PLXNA3: variants seen among roughly 807,000 people sequenced by gnomAD.
The protein encoded by PLXNA3 is plexin-A3.
PLXNA3 carries 52 observed loss-of-function variants against 118.8 expected under a neutral mutation model. That is an observed-to-expected ratio of 0.44 (90% confidence interval 0.35 to 0.55). The LOEUF (loss-of-function observed/expected upper bound fraction) is 0.55, where lower values mean the gene tolerates loss of function less well. PLXNA3 is among the 20% of genes least tolerant of loss of function. PLXNA3 has a pLI of 0.01. For synonymous variants in PLXNA3, 925 were observed against 762.4 expected, an observed-to-expected ratio of 1.21 and a Z score of -3.51; for missense variants, 1,660 against 1,730.8, an observed-to-expected ratio of 0.96 and a Z score of 0.73.
chrX:154,469,272 C>T, intron 26 of PLXNA3, 57 bp downstream of exon 26: 2 of 1,165,156 alleles, frequency 1.7e-6, no homozygotes, highest in East Asian at 3.0e-5. Context: ...TGCCGTGTGA[C>T]CTCCGTGGGC....
At chrX:154,461,999 C>T (rs978343086) in intron 3 of PLXNA3, 129 bp from the exon 4 acceptor site, 30 of 537,658 alleles carry the variant, frequency 5.6e-5, no homozygotes, top group Admixed American at 4.8e-4. Flanking sequence ...CACCCTAGGG[C>T]GAGCAGTCAG....
Position 154,468,366 on chromosome X carries a change from G to A in PLXNA3, c.4027G>A (p.Val1343Met), listed in dbSNP as rs1209455991. The A allele has an allele frequency of 5.8e-6, 7 of 1,209,170 alleles. No homozygotes were observed. The highest frequency in any genetic ancestry group is 3.5e-5 in the South Asian group (2 of 56,862). Residue 1343 changes from valine to methionine, a missense_variant, in exon 23 of 33, where the codon GTG becomes ATG. Coordinates refer to ENST00000369682, the MANE Select transcript of PLXNA3 (RefSeq NM_017514.5). Reference sequence around the variant, plus strand: ...GCAGCTGCTGCACAGCCGCGCGTTCGTGCTTACCTTCATCCACACGCTGGA... The same window carrying A: ...GCAGCTGCTGCACAGCCGCGCGTTCATGCTTACCTTCATCCACACGCTGGA... ...FGQLLHSRAF[V>M]LTFIHTLEAQ...
Position 154,461,591 on chromosome X carries a change from C to G in PLXNA3, c.1087C>G (p.Leu363Val). The G allele has an allele frequency of 8.3e-7, 1 of 1,203,960 alleles. No homozygotes were observed. The highest frequency in any genetic ancestry group is 1.1e-6 in the Non-Finnish European group (1 of 894,422). Residue 363 changes from leucine to valine, a missense_variant, in exon 3 of 33, where the codon CTG (leucine) becomes GTG (valine). Physicochemically the swap from Leu to Val is conservative, Grantham distance 32. Around this residue, in one of 2 missense-constraint regions of PLXNA3, gnomAD observed 791 missense variants for 652.1 expected, o/e 1.21. Coordinates refer to ENST00000369682, the MANE Select transcript of PLXNA3 (RefSeq NM_017514.5). ...GTCCTGCTATCGTGGGGAGGGCACT[C>G]TGGCTCTGCCCTGGCTGCTGAACAA... ...IQSCYRGEGT[L>V]ALPWLLNKEL... is the part of the protein sequence containing the mutation.
intron 1 of PLXNA3, among the ~76,000 whole-genome samples, 162 bp from the exon 2 acceptor site, chrX:154,459,995 C>T (rs1376826559): frequency 1.8e-5 from 2 of 112,818 alleles, no homozygotes; most frequent in South Asian, 3.6e-4. Context: ...GATTGATGGC[C>T]CCCAAGCCTG....
rs781822088 is a variant in PLXNA3, at chrX:154,474,240, C to G, written c.*1555C>G. ...CACAGCTCAGTGCAGTCTCAAACTC[C>G]TGGGCTCAAGTGATCCTCCCACCTC... On this transcript the variant is annotated 3_prime_UTR_variant, in exon 33 of 33. Coordinates refer to ENST00000369682, the MANE Select transcript of PLXNA3 (RefSeq NM_017514.5). The G allele has an allele frequency of 1.8e-5, 2 of 108,485 alleles. No individual in the cohort carries two copies. The highest frequency in any genetic ancestry group is 6.8e-5 in the African/African-American group (2 of 29,538). 8.9% of individuals were successfully genotyped at this position (108,485 alleles called of 1,213,427 possible). A position where few individuals can be genotyped will look rare whatever the true frequency, so the allele number is the denominator to read the frequency against.
In PLXNA3 at chrX:154,472,701, G is replaced by C; in HGVS notation, c.*16G>C. ...CGACAGCTAAGGTGGTGGAATCGGT[G>C]AGGAGGGGGCTTCTCAGTCCTGTGC... On this transcript the variant is annotated 3_prime_UTR_variant, in exon 33 of 33. Transcript: ENST00000369682. The C allele has an allele frequency of 8.9e-7, 1 of 1,119,180 alleles. No homozygotes were observed. The allele number at this position is 1,119,180 out of a possible 1,213,427, so 92.2% of individuals were successfully genotyped here.
Position 154,468,093 on chromosome X carries a change from C to A in PLXNA3, c.3832C>A (p.Leu1278Met). The change falls in exon 22 of 33, where the codon CTG becomes ATG. Residue 1278 changes from leucine (L) to methionine (M), a missense_variant. Transcript: ENST00000369682. ...TCTCCACCCCCCAGCTTTTGCAGAG[C>A]TGCAGACGGACATCAATGAGCTGAC... is the stretch of plus-strand genomic sequence containing the variant. The part of the protein sequence containing the change: ...ALECKEAFAE[L>M]QTDINELTNH... 1 of 1,191,494 alleles carries A rather than the reference C, an allele frequency of 8.4e-7. No homozygotes were observed. The highest frequency in any genetic ancestry group is 1.1e-6 in the Non-Finnish European group (1 of 883,529).
At position 154,463,464 on chromosome X, in the gene PLXNA3, G is replaced by A. The variant is rs782093989; in HGVS notation, c.1391G>A (p.Arg464Gln). 20 of 1,205,752 alleles carry A rather than the reference G, an allele frequency of 1.7e-5. No homozygotes were observed. Among genetic ancestry groups the A allele is most frequent in the Admixed American group, 2.2e-5 (1 of 45,585 alleles). Residue 464 changes from arginine to glutamine, a missense_variant, in exon 5 of 33, where the codon CGA becomes CAA. Coordinates refer to ENST00000369682, the MANE Select transcript of PLXNA3 (RefSeq NM_017514.5). ...GTGGTGGATGGCAGCCCCATCCTCCGAGACCTGCTCTTCAGCCCGGACCAC... is the reference window on the plus strand; with the variant it reads ...GTGGTGGATGGCAGCCCCATCCTCCAAGACCTGCTCTTCAGCCCGGACCAC... ...VPVVDGSPILRDLLFSPDHRH... is the reference protein window; with the variant it reads ...VPVVDGSPILQDLLFSPDHRH...
Position 154,476,254 on chromosome X carries a change from C to T in PLXNA3, c.*3569C>T, listed in dbSNP as rs1339957885. The stretch of plus-strand genomic sequence containing the variant: ...GGTGGACCACCTGAGGTCGGGAGTT[C>T]GAGACCAGCCTCACCAACATGGAGA... On this transcript the variant is annotated 3_prime_UTR_variant, in exon 33 of 33. Transcript: ENST00000369682. The T allele has an allele frequency of 3.6e-5, 4 of 110,698 alleles. No individual in the cohort carries two copies. The highest frequency in any genetic ancestry group is 6.6e-5 in the African/African-American group (2 of 30,387). The allele number at this position is 110,698 out of a possible 1,213,427, so 9.1% of individuals were successfully genotyped here.
Position 154,467,375 on chromosome X carries a change from C to G in PLXNA3, c.3345C>G (p.Asn1115Lys). 8.3e-7 allele frequency: 1 copy of G among 1,204,167 alleles called. No individual in the cohort carries two copies. Among genetic ancestry groups the G allele is most frequent in the Non-Finnish European group, 1.1e-6 (1 of 895,386 alleles). Residue 1115 changes from asparagine (N) to lysine (K), a missense_variant, in exon 19 of 33, where the codon AAC becomes AAG. Physicochemically the swap from Asn to Lys is moderately conservative, Grantham distance 94. This residue lies in a region of PLXNA3 where 869 missense variants were observed against 1,078.7 expected (regional missense o/e 0.81). Transcript: ENST00000369682. Reference sequence around the variant, plus strand: ...ACGTGCAAACGGCCCGCTCCCTCAACCGCTCCTCCTTTACCTACTACCCTG... The same window carrying G: ...ACGTGCAAACGGCCCGCTCCCTCAAGCGCTCCTCCTTTACCTACTACCCTG... Reference protein sequence around the residue: ...LDHVQTARSLNRSSFTYYPDP... With the variant: ...LDHVQTARSLKRSSFTYYPDP...
chrX:154,460,876 G>A (rs1475155128), intron 2 of PLXNA3, 99 bp downstream of exon 2: 1 of 706,464 alleles, frequency 1.4e-6, no homozygotes, highest in African/African-American at 2.2e-5. Context: ...GCTCCTCAGT[G>A]TCTGGGATGC....
At position 154,460,584 on chromosome X, in the gene PLXNA3, C is replaced by T. The variant is rs782319558; in HGVS notation, c.401C>T (p.Pro134Leu). 1.8e-5 allele frequency: 22 copies of T among 1,203,020 alleles called. No individual in the cohort carries two copies. Among genetic ancestry groups the T allele is most frequent in the Admixed American group, 8.8e-5 (4 of 45,355 alleles). ...RLDDLFKLGE[P>L]HHRKEHYLSG... is the part of the protein sequence containing the mutation. Reference sequence around the variant, plus strand: ...GACGACCTCTTCAAGCTGGGTGAGCCGCACCACCGCAAGGAGCACTACCTG... The same window carrying T: ...GACGACCTCTTCAAGCTGGGTGAGCTGCACCACCGCAAGGAGCACTACCTG... The change falls in exon 2 of 33, where the codon CCG becomes CTG. Residue 134 changes from proline (P) to leucine (L), a missense_variant. Transcript: ENST00000369682.
At position 154,472,756 on chromosome X, in the gene PLXNA3, C is replaced by T. The variant is rs1229713595; in HGVS notation, c.*71C>T. ...CTCCCATCCAGGGGAGTGGCTGGCT[C>T]AAGCCTGGGTCCCCGGGCTGAGCCC... On this transcript the variant is annotated 3_prime_UTR_variant, in exon 33 of 33. Transcript: ENST00000369682. 2.5e-6 allele frequency: 2 copies of T among 812,210 alleles called. No individual in the cohort carries two copies. Among genetic ancestry groups the T allele is most frequent in the South Asian group, 2.1e-5 (1 of 47,111 alleles). The allele number at this position is 812,210 out of a possible 1,213,427, so 66.9% of individuals were successfully genotyped here.
intron 31 of PLXNA3, 79 bp from the exon 32 acceptor site, chrX:154,471,409 C>T (rs184454761): frequency 1.8e-4 from 210 of 1,156,502 alleles, no homozygotes; most frequent in Middle Eastern, 3.2e-4. Context: ...GCAGGAAGCC[C>T]GGGGGCTGGC....
chrX:154,467,354 G>A lies in PLXNA3; in HGVS notation c.3324G>A (p.Val1108=). 8.3e-7 allele frequency: 1 copy of A among 1,205,263 alleles called. No homozygotes were observed. The change falls in exon 19 of 33, where the codon GTG becomes GTA. Residue 1108 remains valine, a synonymous_variant. Coordinates refer to ENST00000369682, the MANE Select transcript of PLXNA3 (RefSeq NM_017514.5). The part of the protein sequence containing the change: ...PDEFGFLLDH[V]QTARSLNRSS... ...AGTTTGGCTTCCTGCTGGACCACGT[G>A]CAAACGGCCCGCTCCCTCAACCGCT...
chrX:154,461,292 TGCGCATGTGC>T lies in PLXNA3; in HGVS notation c.792_801del (p.Met265GlufsTer102). ...GAGAAATTTTTCACGTCCAAGATCG[TGCGCATGTGC>T]GCGGGAGACTCAGAGTTCTACTCAT... is the stretch of plus-strand genomic sequence containing the variant. On this transcript the variant is annotated frameshift_variant, in exon 3 of 33. Transcript: ENST00000369682. LOFTEE classifies it high-confidence loss of function. 2 of 1,212,172 alleles carry T rather than the reference TGCGCATGTGC, an allele frequency of 1.6e-6. No individual in the cohort carries two copies. Among genetic ancestry groups the T allele is most frequent in the Non-Finnish European group, 2.2e-6 (2 of 895,364 alleles).
At position 154,469,837 on chromosome X, in the gene PLXNA3, C is replaced by T. The variant is rs782445911; in HGVS notation, c.4795+53C>T. On this transcript the variant is annotated intron_variant, in intron 28 of 32. Transcript: ENST00000369682. Reference sequence around the variant, plus strand: ...TGCCCTTCGAGGGAACCCCCACTTCCAAGTGCCATCGATTCTGTAGAGTGT... The same window carrying T: ...TGCCCTTCGAGGGAACCCCCACTTCTAAGTGCCATCGATTCTGTAGAGTGT... The T allele has an allele frequency of 7.4e-5, 83 of 1,126,176 alleles. No individual in the cohort carries two copies. In the Admixed American group the frequency reaches 1.5e-3, roughly 20 times the overall value. 92.8% of individuals were successfully genotyped at this position (1,126,176 alleles called of 1,213,427 possible).
chrX:154,460,302 G>T lies in PLXNA3; in HGVS notation c.119G>T (p.Arg40Leu). 3 of 1,208,715 alleles carry T rather than the reference G, an allele frequency of 2.5e-6. No individual in the cohort carries two copies. Among genetic ancestry groups the T allele is most frequent in the Non-Finnish European group, 3.4e-6 (3 of 893,105 alleles). Residue 40 changes from arginine to leucine, a missense_variant, in exon 2 of 33, where the codon CGG becomes CTG. Physicochemically the swap from Arg to Leu is moderately radical, Grantham distance 102. Coordinates refer to ENST00000369682, the MANE Select transcript of PLXNA3 (RefSeq NM_017514.5). Reference sequence around the variant, plus strand: ...ACGCTTACCCACCTGGCTGTGCACCGGGTGACTGGGGAGGTGTTCGTGGGC... The same window carrying T: ...ACGCTTACCCACCTGGCTGTGCACCTGGTGACTGGGGAGGTGTTCGTGGGC... ...DTTLTHLAVHRVTGEVFVGAV... is the reference protein window; with the variant it reads ...DTTLTHLAVHLVTGEVFVGAV...
chrX:154,470,967 C>A, intron 30 of PLXNA3, 138 bp from the exon 31 acceptor site: 3 of 491,425 alleles, frequency 6.1e-6, no homozygotes, highest in Admixed American at 7.1e-5. Context: ...GAGGAAAGGC[C>A]GTTCACCCTA....
Sources: gnomAD v4.1 joint callset for allele counts (sites outside exome capture counted in the v4.1 genomes callset) on GRCh38, gnomAD v4.1.1 for gene constraint, gnomAD v4.1.1 regional missense constraint, MANE v1.5 for transcripts, NCBI Gene and HGNC (gene_info 2026-07-23, HGNC 2026-07-21) for gene names.